The following HIRA variants were observed in gnomAD, a reference collection of about 807,000 sequenced individuals.
HIRA encodes the protein protein HIRA.
A neutral mutation model predicts 126.6 loss-of-function variants in HIRA; 13 were observed. The ratio of observed to expected loss-of-function variants is 0.10; its 90% confidence interval spans 0.07 to 0.16. The LOEUF is 0.16. Ranked by LOEUF, HIRA falls within the 10% of genes least tolerant of loss-of-function variation. The pLI is 1.00. For synonymous variants in HIRA, 511 were observed against 520.0 expected (o/e 0.98, Z 0.24); for missense variants, 834 against 1,314.4 (o/e 0.63, Z 5.65).
At chr22:19,385,463 C>T in intron 12 of HIRA, 58 bp downstream of exon 12, 1 of 1,519,674 alleles carries the variant, frequency 6.6e-7, no homozygotes, top group Non-Finnish European at 9.1e-7. Flanking sequence ...GTGTCTGCCC[C>T]TCACCCTGTC....
intron 14 of HIRA, among the ~76,000 whole-genome samples, chr22:19,377,321 G>A (rs889093720): frequency 6.6e-6 from 1 of 152,222 alleles, no homozygotes; most frequent in Non-Finnish European, 1.5e-5. Context: ...ACCCAGAGCA[G>A]GTGCTGAGCA....
At chr22:19,410,233 T>G (rs2089341451) in intron 2 of HIRA, among the ~76,000 whole-genome samples, 1 of 152,256 alleles carries the variant, frequency 6.6e-6, no homozygotes, top group Non-Finnish European at 1.5e-5. Context: ...TTTCAAATGG[T>G]GTGGGCTTTC....
In HIRA at chr22:19,351,599, C is replaced by A. The variant is rs181485055; in HGVS notation, c.2849-153G>T. Reference sequence around the variant, plus strand: ...TTTATTGCCTACTATGGGCAAGACGCCCCTGCATGTCTCTCAGCGGGGGGC... The same window carrying A: ...TTTATTGCCTACTATGGGCAAGACGACCCTGCATGTCTCTCAGCGGGGGGC... On this transcript the variant is annotated intron_variant, in intron 23 of 24. Transcript: ENST00000263208. The surrounding 1 kb of genome is among the most constrained non-coding windows in gnomAD (Gnocchi z 4.8). Among the ~76,000 whole-genome samples, 6 of 152,276 alleles carry A rather than the reference C, an allele frequency of 3.9e-5. No individual in the cohort carries two copies. Among genetic ancestry groups the A allele is most frequent in the African/African-American group, 1.4e-4 (6 of 41,548 alleles).
At chr22:19,356,322 A>G (rs2088811589) in intron 19 of HIRA, 34 bp from the exon 20 acceptor site, 1 of 1,583,514 alleles carries the variant, frequency 6.3e-7, no homozygotes. Context: ...TTACTCACCA[A>G]CCCAGGTAAA....
intron 8 of HIRA, among the ~76,000 whole-genome samples, chr22:19,394,099 C>T (rs1412990585): frequency 1.3e-5 from 2 of 152,136 alleles, no homozygotes; most frequent in Admixed American, 6.5e-5. Flanking sequence ...AGGGTGGCAC[C>T]GTGCTTGGGC....
intron 9 of HIRA, among the ~76,000 whole-genome samples, chr22:19,389,859 T>TAA (rs200468337): frequency 7.9e-6 from 1 of 126,010 alleles, no homozygotes; most frequent in Admixed American, 8.0e-5. Context: ...ATACTTGGCC[T>TAA]AAAAAAAAAA....
At chr22:19,335,669 C>T (rs901685033) in intron 24 of HIRA, among the ~76,000 whole-genome samples, 2 of 149,908 alleles carry the variant, frequency 1.3e-5, no homozygotes, top group Non-Finnish European at 1.5e-5. Flanking sequence ...AACCAGTTTC[C>T]TAAACTCCAT....
intron 24 of HIRA, among the ~76,000 whole-genome samples, chr22:19,343,195 C>A (rs781837561): frequency 6.6e-6 from 1 of 152,084 alleles, no homozygotes; most frequent in Non-Finnish European, 1.5e-5. Flanking sequence ...AGAAAAAAAG[C>A]AACTCATGTA....
At chr22:19,379,560 GGC>G (rs2089052481) in intron 13 of HIRA, among the ~76,000 whole-genome samples, 1 of 150,150 alleles carries the variant, frequency 6.7e-6, no homozygotes, top group South Asian at 2.1e-4. Context: ...GGGAGGCAGA[GGC>G]TGCAGTGAGT....
At chr22:19,414,922 G>A (rs2089383417) in intron 1 of HIRA, among the ~76,000 whole-genome samples, 1 of 145,808 alleles carries the variant, frequency 6.9e-6, no homozygotes, top group South Asian at 2.4e-4. Context: ...TAAGGTGGGT[G>A]CAAACAACAC....
intron 6 of HIRA, 145 bp from the exon 7 acceptor site, chr22:19,397,092 C>A (rs925715071): frequency 1.9e-5 from 13 of 689,408 alleles, no homozygotes; most frequent in East Asian, 1.6e-4. Context: ...AGAAGGGCCT[C>A]CTCATTTGAT....
chr22:19,353,655 G>T (rs5993611), intron 22 of HIRA, 136 bp from the exon 23 acceptor site: 3 of 886,856 alleles, frequency 3.4e-6, no homozygotes, highest in African/African-American at 3.4e-5. Context: ...CCACTAGCCA[G>T]TCTGTTGGCA....
At chr22:19,431,393 C>T in intron 1 of HIRA, 47 bp downstream of exon 1, 5 of 1,597,810 alleles carry the variant, frequency 3.1e-6, no homozygotes, top group Non-Finnish European at 4.3e-6. Context: ...CTCCAGACCC[C>T]GACCCGACTC....
intron 13 of HIRA, among the ~76,000 whole-genome samples, chr22:19,378,942 C>T (rs963185172): frequency 1.3e-5 from 2 of 152,188 alleles, no homozygotes; most frequent in African/African-American, 4.8e-5. Flanking sequence ...TGCTTAGTAA[C>T]ACTTTTATCA....
chr22:19,356,808 C>A, intron 19 of HIRA, 82 bp downstream of exon 19: 1 of 1,384,028 alleles, frequency 7.2e-7, no homozygotes, highest in African/African-American at 1.4e-5. Context: ...CACTGCCTTC[C>A]CTGCCCCTGC....
At chr22:19,408,910 G>A (rs2089328342) in intron 2 of HIRA, among the ~76,000 whole-genome samples, 1 of 152,110 alleles carries the variant, frequency 6.6e-6, no homozygotes, top group African/African-American at 2.4e-5. Flanking sequence ...TCCCTAAAAG[G>A]TCTTCATCCC....
chr22:19,399,033 A>G (rs1292192686), intron 5 of HIRA: 1 of 684,640 alleles, frequency 1.5e-6, no homozygotes, highest in Non-Finnish European at 1.8e-6. Context: ...GGGTCACTGT[A>G]AGGATTAAAT....
At chr22:19,414,322 C>A (rs938013065) in intron 1 of HIRA, among the ~76,000 whole-genome samples, 1 of 152,142 alleles carries the variant, frequency 6.6e-6, no homozygotes, top group Non-Finnish European at 1.5e-5. Flanking sequence ...TAGAATCGTA[C>A]CCTCCTTCAC....
At chr22:19,400,759 A>C (rs1471917210) in intron 5 of HIRA, among the ~76,000 whole-genome samples, 1 of 151,310 alleles carries the variant, frequency 6.6e-6, no homozygotes, top group Non-Finnish European at 1.5e-5. Flanking sequence ...TTCTTCTAAC[A>C]CTCCAGGCTC....
Sources: gnomAD v4.1 joint callset for allele counts (sites outside exome capture counted in the v4.1 genomes callset) on GRCh38, gnomAD v4.1.1 for gene constraint, Gnocchi (gnomAD v3.1) non-coding constraint, MANE v1.5 for transcripts, NCBI Gene and HGNC (gene_info 2026-07-23, HGNC 2026-07-21) for gene names.